ZNF385D: variants seen among roughly 807,000 people sequenced by gnomAD.
ZNF385D encodes zinc finger protein 659.
ZNF385D carries 15 observed loss-of-function variants against 35.8 expected under a neutral mutation model. That is an observed-to-expected ratio of 0.42 (90% confidence interval 0.28 to 0.64). The LOEUF (loss-of-function observed/expected upper bound fraction) is 0.64, where lower values mean the gene tolerates loss of function less well. Ranked by LOEUF, ZNF385D falls within the 30% of genes least tolerant of loss-of-function variation. The pLI is 0.23. For synonymous variants in ZNF385D, 212 were observed against 186.8 expected (o/e 1.13, Z -1.10); for missense variants, 474 against 494.6 (o/e 0.96, Z 0.39).
intron 3 of ZNF385D, among the ~76,000 whole-genome samples, chr3:21,522,762 G>A (rs758823098): frequency 3.3e-5 from 5 of 152,136 alleles, no homozygotes; most frequent in South Asian, 2.1e-4. Flanking sequence ...ATCTGAACAT[G>A]TACACATAAC....
chr3:21,627,528 A>ATC (rs2065170702), intron 2 of ZNF385D, among the ~76,000 whole-genome samples: 1 of 152,116 alleles, frequency 6.6e-6, no homozygotes, highest in Non-Finnish European at 1.5e-5. Flanking sequence ...ATTTCTCACC[A>ATC]TCTATCTCAT....
intron 3 of ZNF385D, among the ~76,000 whole-genome samples, chr3:22,160,186 C>G (rs1156646861): frequency 1.3e-5 from 2 of 152,062 alleles, no homozygotes; most frequent in Admixed American, 6.6e-5. Flanking sequence ...TTATAAATCA[C>G]CCAGTCTTGG....
chr3:22,065,300 T>C (rs1226640073), intron 3 of ZNF385D, among the ~76,000 whole-genome samples: 1 of 152,198 alleles, frequency 6.6e-6, no homozygotes, highest in African/African-American at 2.4e-5. Context: ...CTCTCTCTCA[T>C]CTAGCTCGCT....
At chr3:22,294,898 A>G (rs868160091) in intron 2 of ZNF385D, among the ~76,000 whole-genome samples, 12 of 152,174 alleles carry the variant, frequency 7.9e-5, no homozygotes, top group Non-Finnish European at 1.8e-4. Context: ...AAAAATCAAC[A>G]TATTAATTCA....
At chr3:22,175,211 G>T (rs1339626495) in intron 2 of ZNF385D, among the ~76,000 whole-genome samples, 3 of 151,950 alleles carry the variant, frequency 2.0e-5, no homozygotes, top group Non-Finnish European at 4.4e-5. Flanking sequence ...TTTATTATTT[G>T]TAAGAATATG....
At chr3:21,825,252 A>C (rs2673542) in intron 3 of ZNF385D, among the ~76,000 whole-genome samples, 56,887 of 151,560 alleles carry the variant, frequency 0.38, 10,928 homozygotes, top group African/African-American at 0.46. Flanking sequence ...TCCAGGTGAA[A>C]CCCCCTTGGC....
intron 2 of ZNF385D, among the ~76,000 whole-genome samples, chr3:22,365,915 T>C (rs930675108): frequency 1.3e-5 from 2 of 152,148 alleles, no homozygotes; most frequent in African/African-American, 4.8e-5. Context: ...ATTATTCCTG[T>C]AGGATTTATT....
At chr3:22,331,899 A>G (rs1184661594) in intron 2 of ZNF385D, among the ~76,000 whole-genome samples, 1 of 152,192 alleles carries the variant, frequency 6.6e-6, no homozygotes, top group African/African-American at 2.4e-5. Context: ...AAAAATATGT[A>G]TGTGGATTCC....
chr3:22,169,182 C>A (rs2125758163), intron 2 of ZNF385D: 1 of 201,562 alleles, frequency 5.0e-6, no homozygotes, highest in Middle Eastern at 2.5e-3. Flanking sequence ...TGCTTTCACA[C>A]TATGCTAAAG....
At chr3:21,511,139 G>T in intron 3 of ZNF385D, 116 bp from the exon 4 acceptor site, 1 of 1,325,372 alleles carries the variant, frequency 7.5e-7, no homozygotes, top group Non-Finnish European at 1.0e-6. Context: ...AGCTAATTCT[G>T]GCCGTGGCCA....
intron 6 of ZNF385D, 24 bp downstream of exon 6, chr3:21,425,468 A>G (rs1398021088): frequency 1.3e-6 from 2 of 1,553,020 alleles, no homozygotes; most frequent in Non-Finnish European, 1.7e-6. Flanking sequence ...GTTGGTTTTC[A>G]TTCCTAGAAT....
In ZNF385D at chr3:21,843,736, C is replaced by T. The variant is rs71310291; in HGVS notation, c.326-178708G>A. The stretch of plus-strand genomic sequence containing the variant: ...TTACCAATTTTGAAAAGAAATGAAA[C>T]CCAGCAGATGGTGAATTCTTAATGA... On this transcript the variant is annotated intron_variant, in intron 3 of 5. Coordinates refer to the ZNF385D transcript ENST00000494108. Among the ~76,000 whole-genome samples, 301 of 151,926 alleles carry T rather than the reference C, an allele frequency of 2.0e-3. 1 individual carries two copies. Among genetic ancestry groups the T allele is most frequent in the Admixed American group, 4.1e-3 (63 of 15,220 alleles).
At chr3:22,163,505 A>G (rs954208657) in intron 3 of ZNF385D, among the ~76,000 whole-genome samples, 3 of 152,122 alleles carry the variant, frequency 2.0e-5, no homozygotes, top group Admixed American at 2.0e-4. Flanking sequence ...TGTGAAAAAC[A>G]TTTTAGATAT....
chr3:22,168,899 A>G (rs1706509127), exon 3 of ZNF385D: 5 of 985,718 alleles, frequency 5.1e-6, no homozygotes, highest in Non-Finnish European at 6.0e-6. Context: ...TTTGTGCTTG[A>G]GCGGCTGAAT....
At chr3:21,874,667 A>G (rs80059420) in intron 3 of ZNF385D, among the ~76,000 whole-genome samples, 2,339 of 152,184 alleles carry the variant, frequency 0.015, 43 homozygotes, top group African/African-American at 0.041. Context: ...AAATCAGGAA[A>G]TGTGAGGTCT....
chr3:21,673,297 G>A (rs1034858198), intron 1 of ZNF385D, among the ~76,000 whole-genome samples: 3 of 152,192 alleles, frequency 2.0e-5, no homozygotes, highest in African/African-American at 7.2e-5. Context: ...CATTTCAAAC[G>A]TCTGATAGCC....
At chr3:22,115,940 G>A (rs1207822148) in intron 3 of ZNF385D, among the ~76,000 whole-genome samples, 2 of 151,960 alleles carry the variant, frequency 1.3e-5, no homozygotes, top group Non-Finnish European at 2.9e-5. Context: ...GCTGTCCGAG[G>A]TTGCAGCCAC....
intron 2 of ZNF385D, among the ~76,000 whole-genome samples, chr3:22,174,069 C>A (rs928384763): frequency 6.6e-6 from 1 of 151,384 alleles, no homozygotes; most frequent in Non-Finnish European, 1.5e-5. Flanking sequence ...TCCAAGCCAA[C>A]CATCACATAA....
intron 3 of ZNF385D, among the ~76,000 whole-genome samples, chr3:22,065,972 G>C (rs1210429077): frequency 6.6e-6 from 1 of 151,990 alleles, no homozygotes; most frequent in Non-Finnish European, 1.5e-5. Flanking sequence ...TTTGACACTG[G>C]ACCACCTAAG....
Sources: gnomAD v4.1 joint callset for allele counts (sites outside exome capture counted in the v4.1 genomes callset) on GRCh38, gnomAD v4.1.1 for gene constraint, MANE v1.5 for transcripts, NCBI Gene and HGNC (gene_info 2026-07-23, HGNC 2026-07-21) for gene names.